Variants in FOXP2 observed in about 807,000 individuals in gnomAD.
The protein encoded by FOXP2 is forkhead box P2, also known as forkhead box protein P2.
Under a neutral mutation model 115.8 loss-of-function variants are expected in FOXP2, and 12 were observed. The ratio of observed to expected loss-of-function variants is 0.10; its 90% CI spans 0.07 to 0.17. The LOEUF (loss-of-function observed/expected upper bound fraction) is 0.17. Among genes scored for constraint, FOXP2 ranks in the 10% least tolerant of loss-of-function variants. FOXP2 has a pLI of 1.00. For synonymous variants in FOXP2, 328 were observed against 297.7 expected (o/e 1.10, Z -1.05); for missense variants, 629 against 843.5 (o/e 0.75, Z 3.15).
In FOXP2 at chr7:114,549,596, AG is replaced by A. The variant is rs542584958; in HGVS notation, c.258+14891del. Among the ~76,000 whole-genome samples, 9 of 152,332 alleles carry A rather than the reference AG, an allele frequency of 5.9e-5. No individual in the cohort carries two copies. In the South Asian group the frequency reaches 1.9e-3, roughly 32 times the overall value. ...TCATCACTTCATCCAGGGCACCATG[AG>A]AATAAGAATTAGTCATTGGTTTGGC... is the stretch of plus-strand genomic sequence containing the variant. On this transcript the variant is annotated intron_variant, in intron 3 of 16. Coordinates refer to ENST00000350908, the MANE Select transcript of FOXP2 (RefSeq NM_014491.4).
In FOXP2 at chr7:114,677,405, T is replaced by C. The variant is rs181519417; in HGVS notation, c.2004-12377T>C. Among the ~76,000 whole-genome samples, 26 of 152,312 alleles carry C rather than the reference T, an allele frequency of 1.7e-4. No individual in the cohort carries two copies. The East Asian group carries it at 4.4e-3, about 26-fold the overall frequency. On this transcript the variant is annotated intron_variant, in intron 16 of 16. Coordinates refer to ENST00000350908, the MANE Select transcript of FOXP2 (RefSeq NM_014491.4). The stretch of plus-strand genomic sequence containing the variant: ...GTTTAACATCTATTGACTTAAATTT[T>C]GAACATCTCAGTTTAAGAGAACTTT...
intron 1 of FOXP2, among the ~76,000 whole-genome samples, chr7:114,287,016 T>A (rs1265503741): frequency 1.3e-5 from 2 of 152,086 alleles, no homozygotes; most frequent in African/African-American, 4.8e-5. Flanking sequence ...TCAATGCCTA[T>A]GGCAGACATT....
intron 3 of FOXP2, among the ~76,000 whole-genome samples, chr7:114,536,190 A>G (rs1281219642): frequency 1.3e-5 from 2 of 151,564 alleles, no homozygotes; most frequent in East Asian, 1.9e-4. Flanking sequence ...TGCTGGCAAC[A>G]TAAGCAAAAG....
At chr7:114,532,484 A>T (rs1799188559) in intron 2 of FOXP2, among the ~76,000 whole-genome samples, 1 of 151,838 alleles carries the variant, frequency 6.6e-6, no homozygotes. Flanking sequence ...ACTGGAATAC[A>T]CTCAGGCCTG....
chr7:114,474,397 G>A (rs998659744), intron 2 of FOXP2, among the ~76,000 whole-genome samples: 1 of 152,004 alleles, frequency 6.6e-6, no homozygotes, highest in African/African-American at 2.4e-5. Context: ...AAATGAATGA[G>A]AAAAAGAAAA....
chr7:114,488,040 CTGGGT>C (rs1240481122), intron 2 of FOXP2, among the ~76,000 whole-genome samples: 1 of 152,152 alleles, frequency 6.6e-6, no homozygotes, highest in Non-Finnish European at 1.5e-5. Context: ...ATACCTGAGA[CTGGGT>C]AATTTATAAA....
upstream of FOXP2, among the ~76,000 whole-genome samples, chr7:114,414,002 C>T (rs1012053971): frequency 6.6e-6 from 1 of 152,118 alleles, no homozygotes; most frequent in Admixed American, 6.6e-5. Context: ...AAAACTAAGA[C>T]AGTGTCGTTC....
chr7:114,445,219 A>C (rs1794780905), intron 2 of FOXP2, among the ~76,000 whole-genome samples: 1 of 152,174 alleles, frequency 6.6e-6, no homozygotes, highest in Non-Finnish European at 1.5e-5. Context: ...TTATCTGTGT[A>C]CTTGTTAACT....
At chr7:114,247,644 G>A (rs949115204) in intron 1 of FOXP2, among the ~76,000 whole-genome samples, 3 of 152,098 alleles carry the variant, frequency 2.0e-5, no homozygotes, top group African/African-American at 4.8e-5. Flanking sequence ...TGTTTTTAAC[G>A]TAGTATTCAT....
At chr7:114,311,061 C>T (rs892278150) in intron 2 of FOXP2, among the ~76,000 whole-genome samples, 8 of 152,078 alleles carry the variant, frequency 5.3e-5, no homozygotes, top group Admixed American at 1.3e-4. Context: ...AGGGAAGTTG[C>T]GGATCACCAG....
intron 9 of FOXP2, 52 bp from the exon 10 acceptor site, chr7:114,653,874 T>C (rs1584997370): frequency 3.3e-6 from 5 of 1,533,802 alleles, no homozygotes; most frequent in Non-Finnish European, 4.5e-6. Context: ...TGCAATAAAA[T>C]AGCTGTATCA....
intron 2 of FOXP2, among the ~76,000 whole-genome samples, chr7:114,305,912 T>G (rs1448897636): frequency 1.3e-5 from 2 of 150,010 alleles, no homozygotes; most frequent in African/African-American, 4.8e-5. Context: ...TGGGCCCTTA[T>G]AAGTGGGTCT....
rs398005920 is a variant in FOXP2 at position 114,378,684 on chromosome 7, C to CAAAAAAAAAAAAAAA, written c.-10-47815_-10-47801dup. 4.0e-3 allele frequency among the ~76,000 whole-genome samples: 73 copies of CAAAAAAAAAAAAAAA among 18,048 alleles called. 3 individuals carry two copies. Among genetic ancestry groups the CAAAAAAAAAAAAAAA allele is most frequent in the African/African-American group, 6.6e-3 (35 of 5,266 alleles). 11.8% of individuals were successfully genotyped at this position (18,048 alleles called of 152,430 possible). A position where few individuals can be genotyped will look rare whatever the true frequency, so the allele number is the denominator to read the frequency against. ...GTGAGACAATGTAAGACCCTGTCTC[C>CAAAAAAAAAAAAAAA]AAAAAAAAAAAAAAAAAGGAAAAGA... On this transcript the variant is annotated intron_variant, in intron 2 of 17. Coordinates refer to the FOXP2 transcript ENST00000634411.
intron 1 of FOXP2, among the ~76,000 whole-genome samples, chr7:114,200,980 C>A (rs1171448618): frequency 6.6e-6 from 1 of 152,026 alleles, no homozygotes; most frequent in Non-Finnish European, 1.5e-5. Context: ...CATGGTGAAA[C>A]CCTGTTTCTA....
intron 1 of FOXP2, among the ~76,000 whole-genome samples, chr7:114,237,802 C>G (rs1445289227): frequency 1.3e-5 from 2 of 151,900 alleles, no homozygotes; most frequent in Non-Finnish European, 2.9e-5. Flanking sequence ...GGTGAAACAC[C>G]CTGTCTACTA....
chr7:114,264,853 C>G (rs974680568), intron 1 of FOXP2, among the ~76,000 whole-genome samples: 3 of 151,894 alleles, frequency 2.0e-5, no homozygotes, highest in African/African-American at 7.3e-5. Flanking sequence ...AGAGAGTGTG[C>G]GGGGTGGGGA....
chr7:114,656,302 C>T, intron 10 of FOXP2: 2 of 199,906 alleles, frequency 1.0e-5, no homozygotes. Flanking sequence ...AATATGTAAC[C>T]ATCCAGCTGA....
chr7:114,350,643 C>T (rs1372122686), intron 2 of FOXP2, among the ~76,000 whole-genome samples: 1 of 151,976 alleles, frequency 6.6e-6, no homozygotes, highest in Non-Finnish European at 1.5e-5. Flanking sequence ...TTTCAGAGAC[C>T]AGTAGCAACT....
rs1427365422 is a variant in FOXP2, at chr7:114,249,383, G to T, written c.-101-38636G>T. 4.0e-5 allele frequency among the ~76,000 whole-genome samples: 6 copies of T among 151,606 alleles called. 1 individual carries two copies. The South Asian group carries it at 1.2e-3, about 32-fold the overall frequency. Reference sequence around the variant, plus strand: ...TCCTTCCCCCCCGTTCCCCCCAGTAGGCCCCAATGTGTGTTGTTCCCCTCC... The same window carrying T: ...TCCTTCCCCCCCGTTCCCCCCAGTATGCCCCAATGTGTGTTGTTCCCCTCC... On this transcript the variant is annotated intron_variant, in intron 1 of 17. Coordinates refer to the FOXP2 transcript ENST00000634411.
Sources: gnomAD v4.1 joint callset for allele counts (sites outside exome capture counted in the v4.1 genomes callset) on GRCh38, gnomAD v4.1.1 for gene constraint, MANE v1.5 for transcripts, NCBI Gene and HGNC (gene_info 2026-07-23, HGNC 2026-07-21) for gene names.